MEGF9: variants seen among roughly 807,000 people sequenced by gnomAD.
MEGF9 encodes the protein multiple epidermal growth factor-like domains protein 9.
Under a neutral mutation model 46.8 loss-of-function variants are expected in MEGF9, and 6 were observed. The observed-to-expected ratio is 0.13, with a 90% CI of 0.07 to 0.25. The LOEUF (loss-of-function observed/expected upper bound fraction) is 0.25. MEGF9 is among the 10% of genes least tolerant of loss of function. The probability of loss-of-function intolerance (pLI) is 1.00; values close to 1 mark genes in which losing one functional copy is unlikely to be tolerated. For synonymous variants in MEGF9, 302 were observed against 330.7 expected, an observed-to-expected ratio of 0.91 and a Z score of 0.94; for missense variants, 683 against 792.4, an observed-to-expected ratio of 0.86 and a Z score of 1.66.
intron 2 of MEGF9, among the ~76,000 whole-genome samples, chr9:120,640,899 A>G (rs2043600035): frequency 1.7e-5 from 2 of 119,676 alleles, no homozygotes; most frequent in South Asian, 5.4e-4. Context: ...TACTGTTCCC[A>G]TCTTTATGTC....
At chr9:120,637,231 C>G (rs567806623) in intron 2 of MEGF9, among the ~76,000 whole-genome samples, 1 of 152,018 alleles carries the variant, frequency 6.6e-6, no homozygotes, top group Non-Finnish European at 1.5e-5. Flanking sequence ...GCAGCATGCT[C>G]GTTAAGAGTC....
At chr9:120,686,980 T>C (rs1699303814) in intron 1 of MEGF9, among the ~76,000 whole-genome samples, 1 of 152,096 alleles carries the variant, frequency 6.6e-6, no homozygotes. Flanking sequence ...TATATATATA[T>C]ATTTAGATCA....
chr9:120,615,295 G>T (rs1348089085), intron 3 of MEGF9, among the ~76,000 whole-genome samples: 1 of 146,832 alleles, frequency 6.8e-6, no homozygotes, highest in Non-Finnish European at 1.5e-5. Flanking sequence ...GTGCATGTGT[G>T]TGTACACACA....
At chr9:120,670,887 TTC>T (rs372458946) in intron 1 of MEGF9, among the ~76,000 whole-genome samples, 10 of 152,350 alleles carry the variant, frequency 6.6e-5, no homozygotes, top group African/African-American at 2.4e-4. Flanking sequence ...TCTCTCACAA[TTC>T]TCTGTTTAGT....
At chr9:120,661,792 C>T (rs765206751) in intron 1 of MEGF9, among the ~76,000 whole-genome samples, 1 of 152,208 alleles carries the variant, frequency 6.6e-6, no homozygotes, top group African/African-American at 2.4e-5. Flanking sequence ...AACAAAGCCA[C>T]GTTCAGTGGT....
At chr9:120,659,751 CAT>C (rs1419746537) in intron 1 of MEGF9, among the ~76,000 whole-genome samples, 176 bp from the exon 2 acceptor site, 1 of 150,440 alleles carries the variant, frequency 6.6e-6, no homozygotes, top group Admixed American at 6.7e-5. Context: ...AATCAGGAAA[CAT>C]ATAGAGTACA....
At chr9:120,710,839 A>G (rs1299109302) in intron 1 of MEGF9, among the ~76,000 whole-genome samples, 1 of 152,232 alleles carries the variant, frequency 6.6e-6, no homozygotes, top group Non-Finnish European at 1.5e-5. Flanking sequence ...ACTGGAGCCC[A>G]TGCTCCATAC....
At chr9:120,678,471 A>AT (rs569100106) in intron 1 of MEGF9, among the ~76,000 whole-genome samples, 1 of 151,346 alleles carries the variant, frequency 6.6e-6, no homozygotes, top group Non-Finnish European at 1.5e-5. Flanking sequence ...CTTGTGGGGG[A>AT]TTTTTTTGTT....
chr9:120,618,103 T>C (rs1219155675), intron 3 of MEGF9, among the ~76,000 whole-genome samples: 1 of 152,204 alleles, frequency 6.6e-6, no homozygotes, highest in African/African-American at 2.4e-5. Flanking sequence ...CATATATAGA[T>C]GGCATTTAAA....
intron 2 of MEGF9, among the ~76,000 whole-genome samples, chr9:120,635,224 T>C (rs1247422941): frequency 6.6e-6 from 1 of 152,188 alleles, no homozygotes; most frequent in Non-Finnish European, 1.5e-5. Flanking sequence ...TTGACACTTT[T>C]CTCTTGTTGT....
At chr9:120,619,497 A>G (rs2043489027) in intron 3 of MEGF9, among the ~76,000 whole-genome samples, 1 of 152,240 alleles carries the variant, frequency 6.6e-6, no homozygotes, top group Non-Finnish European at 1.5e-5. Context: ...AGTTACTGCT[A>G]TTATATCAAA....
intron 2 of MEGF9, among the ~76,000 whole-genome samples, chr9:120,630,748 C>G (rs142177121): frequency 5.9e-5 from 9 of 152,198 alleles, no homozygotes; most frequent in African/African-American, 2.2e-4. Context: ...ATTTGTACTT[C>G]TCTGATGATT....
At chr9:120,694,153 G>A (rs2043863958) in intron 1 of MEGF9, among the ~76,000 whole-genome samples, 1 of 152,152 alleles carries the variant, frequency 6.6e-6, no homozygotes, top group African/African-American at 2.4e-5. Flanking sequence ...TGGTTAGAAG[G>A]ATATAATAGA....
At chr9:120,684,557 T>C (rs566471573) in intron 1 of MEGF9, among the ~76,000 whole-genome samples, 6 of 152,358 alleles carry the variant, frequency 3.9e-5, no homozygotes, top group African/African-American at 1.2e-4. Context: ...CAAACACTTA[T>C]ACAGTATAAA....
At chr9:120,642,824 C>T (rs1306478926) in intron 2 of MEGF9, among the ~76,000 whole-genome samples, 1 of 152,128 alleles carries the variant, frequency 6.6e-6, no homozygotes, top group Non-Finnish European at 1.5e-5. Flanking sequence ...TTGTTATTGA[C>T]AATATAAGCC....
rs914550698 is a variant in MEGF9, at chr9:120,601,457, T to C, written c.*3733A>G. ...CCAAAACAGCACTTAAAGGGTTAAA[T>C]ATCCTGATGGTACTCAGCTGACCAA... On this transcript the variant is annotated 3_prime_UTR_variant, in exon 6 of 6. Coordinates refer to ENST00000373930, the MANE Select transcript of MEGF9 (RefSeq NM_001080497.3). The C allele has an allele frequency of 1.3e-5, 2 of 152,238 alleles. No homozygotes were observed. Among genetic ancestry groups the C allele is most frequent in the African/African-American group, 4.8e-5 (2 of 41,464 alleles). 9.4% of individuals were successfully genotyped at this position (152,238 alleles called of 1,614,324 possible). A position where few individuals can be genotyped will look rare whatever the true frequency, so the allele number is the denominator to read the frequency against.
rs2043406283 is a variant in MEGF9, at chr9:120,603,434, G to A, written c.*1756C>T. The A allele has an allele frequency of 2.0e-5, 3 of 152,160 alleles. No individual in the cohort carries two copies. In the South Asian group the frequency reaches 6.2e-4, roughly 31 times the overall value. 9.4% of individuals were successfully genotyped at this position (152,160 alleles called of 1,614,324 possible). A position where few individuals can be genotyped will look rare whatever the true frequency, so the allele number is the denominator to read the frequency against. On this transcript the variant is annotated 3_prime_UTR_variant, in exon 6 of 6. Transcript: ENST00000373930. ...ATTACCAGAAGTAGATTATTTGCTT[G>A]TACTCCCTCCAGAACATCATCTCCA...
At position 120,659,390 on chromosome 9, in the gene MEGF9, T is replaced by C. The variant is rs1323241799; in HGVS notation, c.787A>G (p.Ser263Gly). The C allele has an allele frequency of 6.2e-7, 1 of 1,613,890 alleles. No individual in the cohort carries two copies. Among genetic ancestry groups the C allele is most frequent in the Admixed American group, 1.7e-5 (1 of 60,024 alleles). ...GTTGCTTACCTGTTGCACGGTATGC[T>C]GAGAGCTCCATGTGGACTACAGTCA... is the stretch of plus-strand genomic sequence containing the variant. ...PCDCSPHGAL[S>G]IPCNSSGKCQ... Residue 263 changes from serine to glycine, a missense_variant, in exon 2 of 6, where the codon AGC becomes GGC. By Grantham distance (56) the Ser-to-Gly change is moderately conservative. This residue lies in a region of MEGF9 where 370 missense variants were observed against 371.3 expected (regional missense o/e 1.00). Coordinates refer to ENST00000373930, the MANE Select transcript of MEGF9 (RefSeq NM_001080497.3).
At chr9:120,674,584 T>C (rs2043764524) in intron 1 of MEGF9, among the ~76,000 whole-genome samples, 1 of 152,112 alleles carries the variant, frequency 6.6e-6, no homozygotes, top group Non-Finnish European at 1.5e-5. Context: ...CTCTTTTTTT[T>C]TTGAGACAGG....
Sources: gnomAD v4.1 joint callset for allele counts (sites outside exome capture counted in the v4.1 genomes callset) on GRCh38, gnomAD v4.1.1 for gene constraint, gnomAD v4.1.1 regional missense constraint, MANE v1.5 for transcripts, NCBI Gene and HGNC (gene_info 2026-07-23, HGNC 2026-07-21) for gene names.